EFHC1: variants seen among roughly 807,000 people sequenced by gnomAD.
EFHC1 encodes the protein EF-hand domain containing 1.
Under a neutral mutation model 69.9 loss-of-function variants are expected in EFHC1, and 53 were observed. The observed-to-expected ratio is 0.76, with a 90% CI of 0.61 to 0.95. EFHC1 has a LOEUF of 0.95. Among genes scored for constraint, EFHC1 ranks in the 40% least tolerant of loss-of-function variants. EFHC1 has a pLI of 0.00. For synonymous variants in EFHC1, 256 were observed against 278.4 expected (o/e 0.92, Z 0.80); for missense variants, 739 against 798.7 (o/e 0.93, Z 0.90).
At position 52,490,232 on chromosome 6, in the gene EFHC1, A is replaced by C; in HGVS notation, c.1733A>C (p.Asn578Thr). The C allele has an allele frequency of 6.2e-7, 1 of 1,614,142 alleles. No homozygotes were observed. The highest frequency in any genetic ancestry group is 8.5e-7 in the Non-Finnish European group (1 of 1,179,980). ...KQLKDHSCKD[N>T]IREAFQIYDK... ...CTGAAAGATCACTCATGCAAAGACA[A>C]CATTCGTGAGGCATTTCAAATTTAT... Residue 578 changes from asparagine (N) to threonine (T), a missense_variant, in exon 10 of 11, where the codon AAC becomes ACC. Transcript: ENST00000371068.
At chr6:52,421,718 C>G (rs1440917753) in intron 1 of EFHC1, among the ~76,000 whole-genome samples, 1 of 152,198 alleles carries the variant, frequency 6.6e-6, no homozygotes, top group Non-Finnish European at 1.5e-5. Context: ...TATTCTGAAT[C>G]TCTGTAATTA....
chr6:52,492,281 G>A lies in EFHC1; in HGVS notation c.1863G>A (p.Met621Ile), dbSNP rs2114039449. 6.2e-7 allele frequency: 1 copy of A among 1,613,970 alleles called. No homozygotes were observed. The highest frequency in any genetic ancestry group is 8.5e-7 in the Non-Finnish European group (1 of 1,179,922). The change falls in exon 11 of 11, where the codon ATG (methionine) becomes ATA (isoleucine). Residue 621 changes from methionine (M) to isoleucine (I), a missense_variant. Coordinates refer to ENST00000371068, the MANE Select transcript of EFHC1 (RefSeq NM_018100.4). Reference sequence around the variant, plus strand: ...TGCTCTCTCTGCAGTTAATCAGGATGTGCTCTCATGGAGAAGGCAAAATTA... The same window carrying A: ...TGCTCTCTCTGCAGTTAATCAGGATATGCTCTCATGGAGAAGGCAAAATTA... Reference protein sequence around the residue: ...DDSLVKELIRMCSHGEGKINY... With the variant: ...DDSLVKELIRICSHGEGKINY...
chr6:52,428,963 A>C (rs954165100), intron 2 of EFHC1, among the ~76,000 whole-genome samples: 1 of 152,144 alleles, frequency 6.6e-6, no homozygotes, highest in Non-Finnish European at 1.5e-5. Flanking sequence ...ACATTTTTTC[A>C]TATGTTTGTT....
At chr6:52,475,303 C>A (rs1320868583) in intron 7 of EFHC1, among the ~76,000 whole-genome samples, 1 of 151,906 alleles carries the variant, frequency 6.6e-6, no homozygotes, top group South Asian at 2.1e-4. Flanking sequence ...TATGGAAATT[C>A]AAAAAGAAAG....
At chr6:52,440,284 TTAAACTCACACCC>T (rs2113981181) in intron 3 of EFHC1, among the ~76,000 whole-genome samples, 1 of 152,222 alleles carries the variant, frequency 6.6e-6, no homozygotes, top group South Asian at 2.1e-4. Context: ...TTCATTAACA[TTAAACTCACACCC>T]AACAGCACTA....
chr6:52,465,159 T>G, intron 6 of EFHC1, 44 bp downstream of exon 6: 1 of 1,560,152 alleles, frequency 6.4e-7, no homozygotes, highest in East Asian at 2.2e-5. Flanking sequence ...AACTAATTTT[T>G]TGAGGTAGAA....
At position 52,445,301 on chromosome 6, in the gene EFHC1, AT is replaced by A. The variant is rs199821876; in HGVS notation, c.573+6717del. On this transcript the variant is annotated intron_variant, in intron 3 of 10. Transcript: ENST00000371068. Reference sequence around the variant, plus strand: ...GGTTTTTTAATTAATTAATTTATTTATTTTTTTATTATTATACTTTAAGTTT... The same window carrying A: ...GGTTTTTTAATTAATTAATTTATTTATTTTTTATTATTATACTTTAAGTTT... Among the ~76,000 whole-genome samples, 267 of 148,274 alleles carry A rather than the reference AT, an allele frequency of 1.8e-3. 8 individuals carry two copies. In the East Asian group the frequency reaches 0.049, roughly 27 times the overall value.
chr6:52,490,150 G>A lies in EFHC1; in HGVS notation c.1651G>A (p.Glu551Lys). Residue 551 changes from glutamate (E) to lysine (K), a missense_variant, in exon 10 of 11, where the codon GAA becomes AAA. Physicochemically the swap from Glu to Lys is moderately conservative, Grantham distance 56. Transcript: ENST00000371068. ...TTCCTTTCTCTACAGCAAGCAAACTGAAAAGGATCCAGGCGTGCAGGAATT... is the reference window on the plus strand; with the variant it reads ...TTCCTTTCTCTACAGCAAGCAAACTAAAAAGGATCCAGGCGTGCAGGAATT... ...PAPEAESKQT[E>K]KDPGVQELEA... The A allele has an allele frequency of 6.2e-7, 1 of 1,613,852 alleles. No individual in the cohort carries two copies. The highest frequency in any genetic ancestry group is 8.5e-7 in the Non-Finnish European group (1 of 1,179,900).
At chr6:52,420,894 C>A (rs1371446989) in intron 1 of EFHC1, 6 of 497,954 alleles carry the variant, frequency 1.2e-5, no homozygotes, top group Non-Finnish European at 1.5e-5. Flanking sequence ...TGTCTCCGTC[C>A]ATCGCCGCCC....
chr6:52,447,585 C>G (rs1764815696), intron 3 of EFHC1, among the ~76,000 whole-genome samples: 1 of 152,238 alleles, frequency 6.6e-6, no homozygotes. Flanking sequence ...CAAAGTCATT[C>G]TGCATCCAGC....
In EFHC1 at chr6:52,420,383, C is replaced by T; in HGVS notation, c.-28C>T. 6.2e-7 allele frequency: 1 copy of T among 1,614,222 alleles called. No individual in the cohort carries two copies. On this transcript the variant is annotated 5_prime_UTR_variant, in exon 1 of 11. Coordinates refer to ENST00000371068, the MANE Select transcript of EFHC1 (RefSeq NM_018100.4). ...GCAACCGGAGAGGACGAAGCAGGAC[C>T]TAGGTGGCGGCGGTGGTACCGGCTG...
rs1766080730 is a variant in EFHC1, at chr6:52,496,978, C to T, written c.*4637C>T. On this transcript the variant is annotated 3_prime_UTR_variant, in exon 11 of 11. Transcript: ENST00000371068. ...CCAGCAATCCCCACTATTACTAATA[C>T]TTGGATGTCTTCTAGTCAGCACCAA... 1 of 152,202 alleles carries T rather than the reference C, an allele frequency of 6.6e-6. No individual in the cohort carries two copies. The highest frequency in any genetic ancestry group is 2.4e-5 in the African/African-American group (1 of 41,444). 9.4% of individuals were successfully genotyped at this position (152,202 alleles called of 1,614,324 possible).
At chr6:52,473,221 G>A (rs1765475667) in intron 7 of EFHC1, among the ~76,000 whole-genome samples, 4 of 152,060 alleles carry the variant, frequency 2.6e-5, no homozygotes, top group Admixed American at 2.6e-4. Context: ...AGACAGCCCA[G>A]GAAAAGACAT....
At chr6:52,463,745 C>G (rs772843348) in intron 5 of EFHC1, among the ~76,000 whole-genome samples, 1 of 152,170 alleles carries the variant, frequency 6.6e-6, no homozygotes, top group Non-Finnish European at 1.5e-5. Flanking sequence ...ATATTGTATA[C>G]TAAAGGAAGT....
chr6:52,476,550 C>G (rs1342437201), intron 7 of EFHC1, among the ~76,000 whole-genome samples: 3 of 152,130 alleles, frequency 2.0e-5, no homozygotes, highest in Non-Finnish European at 4.4e-5. Flanking sequence ...CAGCAGAAAC[C>G]TTAACCAAGT....
chr6:52,465,042 A>G lies in EFHC1; in HGVS notation c.1064A>G (p.Tyr355Cys), dbSNP rs767833659. 1 of 1,614,166 alleles carries G rather than the reference A, an allele frequency of 6.2e-7. No homozygotes were observed. The highest frequency in any genetic ancestry group is 1.1e-5 in the South Asian group (1 of 91,084). The part of the protein sequence containing the change: ...YDCDPFTRRY[Y>C]KEKFGITDLP... ...TGTGATCCATTTACTCGACGGTATT[A>G]CAAAGAGAAGTTTGGAATCACTGAT... Residue 355 changes from tyrosine to cysteine, a missense_variant, in exon 6 of 11, where the codon TAC (tyrosine) becomes TGC (cysteine). Transcript: ENST00000371068.
chr6:52,469,112 T>C, intron 6 of EFHC1: 1 of 566,570 alleles, frequency 1.8e-6, no homozygotes, highest in Non-Finnish European at 3.0e-6. Context: ...AGAGTTACTT[T>C]AGAGCATCAT....
At chr6:52,440,533 C>T (rs1255993659) in intron 3 of EFHC1, among the ~76,000 whole-genome samples, 4 of 151,962 alleles carry the variant, frequency 2.6e-5, no homozygotes, top group Non-Finnish European at 5.9e-5. Context: ...TCCAGTTTAC[C>T]ATTGATGGGC....
chr6:52,453,304 A>G (rs1764960550), intron 4 of EFHC1: 1 of 1,287,376 alleles, frequency 7.8e-7, no homozygotes, highest in Non-Finnish European at 1.0e-6. Flanking sequence ...TAAATGTTAT[A>G]TTAATATTGG....
Sources: gnomAD v4.1 joint callset for allele counts (sites outside exome capture counted in the v4.1 genomes callset) on GRCh38, gnomAD v4.1.1 for gene constraint, MANE v1.5 for transcripts, NCBI Gene and HGNC (gene_info 2026-07-23, HGNC 2026-07-21) for gene names.